ALCAM: variants seen among roughly 807,000 people sequenced by gnomAD.
ALCAM encodes CD166 antigen.
ALCAM carries 30 observed loss-of-function variants against 70.9 expected under a neutral mutation model. That is an observed-to-expected ratio of 0.42 (90% confidence interval 0.32 to 0.57). The LOEUF (loss-of-function observed/expected upper bound fraction) is 0.57. ALCAM is among the 20% of genes least tolerant of loss of function. The pLI, the probability that ALCAM is intolerant of heterozygous loss-of-function variation, is 0.11. For missense variants in ALCAM, 591 were observed against 695.1 expected (o/e 0.85, Z 1.68); for synonymous variants, 249 against 242.5 (o/e 1.03, Z -0.25).
At chr3:105,399,398 A>C (rs1223006749) in intron 1 of ALCAM, among the ~76,000 whole-genome samples, 1 of 152,156 alleles carries the variant, frequency 6.6e-6, no homozygotes, top group Non-Finnish European at 1.5e-5. Context: ...AGTATAAATC[A>C]AAATGTCATA....
At chr3:105,479,425 T>C (rs1938210648) in intron 1 of ALCAM, among the ~76,000 whole-genome samples, 1 of 152,128 alleles carries the variant, frequency 6.6e-6, no homozygotes, top group African/African-American at 2.4e-5. Context: ...CTAAATATCA[T>C]CAAAATAACT....
intron 1 of ALCAM, 103 bp from the exon 2 acceptor site, chr3:105,519,964 T>A (rs532754585): frequency 1.5e-6 from 1 of 662,060 alleles, no homozygotes; most frequent in Non-Finnish European, 2.6e-6. Flanking sequence ...GATGACAACC[T>A]TCATCGACAT....
chr3:105,395,451 A>G (rs1229613760), intron 1 of ALCAM, among the ~76,000 whole-genome samples: 1 of 151,978 alleles, frequency 6.6e-6, no homozygotes, highest in Non-Finnish European at 1.5e-5. Flanking sequence ...CTAAATTGTT[A>G]TGTATGTATA....
intron 1 of ALCAM, among the ~76,000 whole-genome samples, chr3:105,479,797 C>A (rs542492898): frequency 6.6e-6 from 1 of 151,984 alleles, no homozygotes; most frequent in African/African-American, 2.4e-5. Flanking sequence ...ATAGCCATTC[C>A]CTATGAACTT....
At chr3:105,510,269 A>G (rs1480987492) in intron 1 of ALCAM, among the ~76,000 whole-genome samples, 1 of 152,068 alleles carries the variant, frequency 6.6e-6, no homozygotes, top group African/African-American at 2.4e-5. Flanking sequence ...AAGGTTCATC[A>G]GGGAATCGGG....
intron 1 of ALCAM, among the ~76,000 whole-genome samples, chr3:105,412,907 G>A (rs566826386): frequency 1.3e-5 from 2 of 152,082 alleles, no homozygotes; most frequent in East Asian, 3.9e-4. Context: ...GATTTTAAAG[G>A]AAATGATCAT....
At chr3:105,436,177 A>G (rs1413424150) in intron 1 of ALCAM, among the ~76,000 whole-genome samples, 1 of 152,142 alleles carries the variant, frequency 6.6e-6, no homozygotes, top group Non-Finnish European at 1.5e-5. Flanking sequence ...GGAATTATGG[A>G]AGCTACAAGA....
intron 1 of ALCAM, among the ~76,000 whole-genome samples, chr3:105,489,324 C>G (rs1938519273): frequency 6.6e-6 from 1 of 152,102 alleles, no homozygotes; most frequent in African/African-American, 2.4e-5. Flanking sequence ...CAATAAGTAC[C>G]ACTTTGCTTT....
At chr3:105,401,820 C>G (rs914753090) in intron 1 of ALCAM, among the ~76,000 whole-genome samples, 1 of 151,784 alleles carries the variant, frequency 6.6e-6, no homozygotes, top group Non-Finnish European at 1.5e-5. Flanking sequence ...GGTTTTCAAC[C>G]CTGACTGCAC....
At chr3:105,451,654 A>G (rs1937431812) in intron 1 of ALCAM, among the ~76,000 whole-genome samples, 1 of 152,368 alleles carries the variant, frequency 6.6e-6, no homozygotes, top group Admixed American at 6.5e-5. Context: ...TCAATTTGTT[A>G]GGAACATAAC....
intron 1 of ALCAM, among the ~76,000 whole-genome samples, chr3:105,519,522 C>T (rs115811836): frequency 0.012 from 1,854 of 152,032 alleles, 44 homozygotes; most frequent in African/African-American, 0.043. Context: ...CAAAATAAGC[C>T]ACTTTCCCCT....
At chr3:105,434,723 A>C (rs576450078) in intron 1 of ALCAM, among the ~76,000 whole-genome samples, 4 of 152,064 alleles carry the variant, frequency 2.6e-5, no homozygotes, top group Non-Finnish European at 4.4e-5. Context: ...ATTCTCTAGA[A>C]ATGAAGCAGT....
In ALCAM at chr3:105,436,724, TG is replaced by T. The variant is rs549179038; in HGVS notation, c.73+69245del. ...AAATCAATCTTATGATTCAATAAGA[TG>T]GACTCTTTCTTCTGGCCAAATTAAG... is the stretch of plus-strand genomic sequence containing the variant. On this transcript the variant is annotated intron_variant, in intron 1 of 15. Coordinates refer to ENST00000306107, the MANE Select transcript of ALCAM (RefSeq NM_001627.4). Among the ~76,000 whole-genome samples, 627 of 152,328 alleles carry T rather than the reference TG, an allele frequency of 4.1e-3. 1 individual carries two copies. The highest frequency in any genetic ancestry group is 0.013 in the African/African-American group (550 of 41,568).
intron 1 of ALCAM, among the ~76,000 whole-genome samples, chr3:105,480,342 A>G: frequency 6.6e-6 from 1 of 151,168 alleles, no homozygotes; most frequent in Non-Finnish European, 1.5e-5. Flanking sequence ...GCAGAGCAAG[A>G]TGTTGTCTCA....
chr3:105,399,754 C>T (rs944465261), intron 1 of ALCAM, among the ~76,000 whole-genome samples: 3 of 152,056 alleles, frequency 2.0e-5, no homozygotes, highest in Non-Finnish European at 4.4e-5. Context: ...ACCTGCCCTC[C>T]CTGGAAAATC....
At chr3:105,563,983 G>A (rs968091555) in intron 14 of ALCAM, among the ~76,000 whole-genome samples, 5 of 151,916 alleles carry the variant, frequency 3.3e-5, no homozygotes, top group Non-Finnish European at 5.9e-5. Flanking sequence ...CACCGCGCCC[G>A]GCCCATTTCT....
chr3:105,490,823 G>A (rs1938562202), intron 1 of ALCAM, among the ~76,000 whole-genome samples: 1 of 152,136 alleles, frequency 6.6e-6, no homozygotes, highest in South Asian at 2.1e-4. Context: ...GCTTTCATGG[G>A]CTGGCATTGA....
At chr3:105,529,217 T>A (rs1350060302) in intron 3 of ALCAM, among the ~76,000 whole-genome samples, 2 of 152,218 alleles carry the variant, frequency 1.3e-5, no homozygotes, top group South Asian at 2.1e-4. Flanking sequence ...GTTGAATGAT[T>A]TAGAGAAACT....
intron 13 of ALCAM, 90 bp downstream of exon 13, chr3:105,552,272 C>T (rs1284904688): frequency 1.4e-6 from 2 of 1,383,510 alleles, no homozygotes; most frequent in Non-Finnish European, 2.0e-6. Flanking sequence ...TAGCTGTCCA[C>T]AATTTTGACT....
Sources: allele counts gnomAD v4.1 joint callset (sites outside exome capture counted in the v4.1 genomes callset), GRCh38; gene constraint gnomAD v4.1.1; transcripts MANE v1.5; gene names NCBI Gene and HGNC (gene_info 2026-07-23, HGNC 2026-07-21).